The following PRKCH variants were observed in gnomAD, a reference collection of about 807,000 sequenced individuals.
PRKCH encodes protein kinase C eta.
Under a neutral mutation model 82.5 loss-of-function variants are expected in PRKCH, and 28 were observed. The observed-to-expected ratio is 0.34, with a 90% CI of 0.25 to 0.47. The LOEUF is 0.47. PRKCH is among the 20% of genes least tolerant of loss of function. The pLI is 1.00. For synonymous variants in PRKCH, 322 were observed against 327.4 expected (o/e 0.98, Z 0.18); for missense variants, 705 against 881.8 (o/e 0.80, Z 2.54).
chr14:61,469,552 G>A (rs1885406031), intron 9 of PRKCH, among the ~76,000 whole-genome samples: 1 of 152,222 alleles, frequency 6.6e-6, no homozygotes, highest in Non-Finnish European at 1.5e-5. Flanking sequence ...GGTAGGACCT[G>A]AAGCGGCTGC....
At chr14:61,449,285 C>T (rs754525516) in intron 5 of PRKCH, 33 bp downstream of exon 5, 56 of 1,551,822 alleles carry the variant, frequency 3.6e-5, no homozygotes, top group Non-Finnish European at 4.4e-5. Context: ...ATTAAATGTG[C>T]GTGTGTATTG....
chr14:61,461,583 G>A (rs996529907), intron 9 of PRKCH, among the ~76,000 whole-genome samples: 13 of 152,198 alleles, frequency 8.5e-5, no homozygotes, highest in African/African-American at 1.2e-4. Context: ...GATATTTAGT[G>A]AGCTTACCTG....
chr14:61,257,218 A>G (rs1356998944), intron 1 of PRKCH, among the ~76,000 whole-genome samples: 1 of 152,140 alleles, frequency 6.6e-6, no homozygotes, highest in Non-Finnish European at 1.5e-5. Context: ...TAATATTACC[A>G]CTATTCATGT....
chr14:61,349,201 C>T (rs113467924), intron 1 of PRKCH, among the ~76,000 whole-genome samples: 3 of 152,176 alleles, frequency 2.0e-5, no homozygotes, highest in Non-Finnish European at 4.4e-5. Flanking sequence ...GCAAGTAGAT[C>T]ATTGTTTCCA....
At chr14:61,398,075 A>G (rs1319696700) in intron 2 of PRKCH, among the ~76,000 whole-genome samples, 2 of 152,248 alleles carry the variant, frequency 1.3e-5, no homozygotes, top group Admixed American at 6.5e-5. Flanking sequence ...CTGAGGCAGA[A>G]GTAGAAGTGA....
chr14:61,220,147 G>T (rs1052019774), intron 1 of PRKCH, among the ~76,000 whole-genome samples: 2 of 152,156 alleles, frequency 1.3e-5, no homozygotes, highest in African/African-American at 2.4e-5. Context: ...AACCAAATCT[G>T]CTCCTACAAC....
chr14:61,447,346 A>G lies in PRKCH; in HGVS notation c.613+1620A>G, dbSNP rs78789584. ...AGGAAAAATGAACAAATCCACTTCT[A>G]TAGTTGGAGACTTCAATATCTCAGT... On this transcript the variant is annotated intron_variant, in intron 4 of 13. Transcript: ENST00000332981. Among the ~76,000 whole-genome samples the G allele has an allele frequency of 0.019, 2,882 of 152,362 alleles. 196 individuals carry two copies. The East Asian group carries it at 0.26, about 14-fold the overall frequency.
intron 10 of PRKCH, among the ~76,000 whole-genome samples, chr14:61,491,019 C>G (rs199831261): frequency 6.6e-6 from 1 of 152,106 alleles, no homozygotes; most frequent in African/African-American, 2.4e-5. Flanking sequence ...GCAGTTCTTC[C>G]CCTCTGGAAA....
At chr14:61,371,024 C>T (rs1245416817) in intron 1 of PRKCH, among the ~76,000 whole-genome samples, 3 of 152,066 alleles carry the variant, frequency 2.0e-5, no homozygotes, top group Non-Finnish European at 1.5e-5. Flanking sequence ...CTGCCTCTGG[C>T]TCTCTTTTCA....
At position 61,210,794 on chromosome 14, in the gene PRKCH, G is replaced by C. The variant is rs867355068; in HGVS notation, c.-19+23126G>C. On this transcript the variant is annotated intron_variant, in intron 1 of 3. Coordinates refer to the PRKCH transcript ENST00000555185. ...TCTCTCTCTCTCTCTCTCTCTCTGT[G>C]TGTGTGTGTGTGTGTGTGTGCGTGC... Among the ~76,000 whole-genome samples the C allele has an allele frequency of 2.6e-3, 357 of 137,138 alleles. 3 individuals are homozygous for C. Among genetic ancestry groups the C allele is most frequent in the South Asian group, 0.017 (73 of 4,378 alleles). The allele number at this position is 137,138 out of a possible 152,430, so 90.0% of individuals were successfully genotyped here.
chr14:61,217,496 C>T (rs1354008839), intron 1 of PRKCH, among the ~76,000 whole-genome samples: 1 of 151,952 alleles, frequency 6.6e-6, no homozygotes, highest in Admixed American at 6.6e-5. Flanking sequence ...GCTAGTTCTT[C>T]TTCTGAGTCT....
chr14:61,382,291 G>A (rs2046522445), intron 1 of PRKCH, among the ~76,000 whole-genome samples: 1 of 152,080 alleles, frequency 6.6e-6, no homozygotes, highest in Admixed American at 6.6e-5. Flanking sequence ...TTAGCTGGGC[G>A]TGGTGGTGTA....
At chr14:61,239,052 C>T (rs912401908) in intron 1 of PRKCH, among the ~76,000 whole-genome samples, 12 of 152,166 alleles carry the variant, frequency 7.9e-5, no homozygotes, top group Admixed American at 2.0e-4. Flanking sequence ...CAGGCAATCT[C>T]CCTCCTCAGA....
intron 1 of PRKCH, among the ~76,000 whole-genome samples, chr14:61,357,569 A>T (rs2046167448): frequency 6.6e-6 from 1 of 152,114 alleles, no homozygotes; most frequent in Admixed American, 6.5e-5. Flanking sequence ...TGGCTGTCAA[A>T]TGTTCTCTGC....
chr14:61,207,803 T>G (rs2044539207), intron 1 of PRKCH, among the ~76,000 whole-genome samples: 1 of 152,216 alleles, frequency 6.6e-6, no homozygotes, highest in Non-Finnish European at 1.5e-5. Context: ...GTCACATAGC[T>G]GGTTTAGTGG....
At chr14:61,274,808 T>G (rs1178489429) in intron 1 of PRKCH, among the ~76,000 whole-genome samples, 4 of 151,956 alleles carry the variant, frequency 2.6e-5, no homozygotes, top group Non-Finnish European at 1.5e-5. Context: ...GAAATGTGAG[T>G]TTGGAGAGAA....
At chr14:61,388,965 T>A (rs1460929738) in intron 1 of PRKCH, among the ~76,000 whole-genome samples, 1 of 152,208 alleles carries the variant, frequency 6.6e-6, no homozygotes, top group Admixed American at 6.5e-5. Flanking sequence ...ATCTTTTATT[T>A]TGAAAAAGTA....
chr14:61,345,911 G>A (rs760264143), intron 1 of PRKCH, among the ~76,000 whole-genome samples: 1 of 151,788 alleles, frequency 6.6e-6, no homozygotes, highest in African/African-American at 2.4e-5. Flanking sequence ...TAGAGTTTGA[G>A]CACCTGCATG....
chr14:61,549,473 A>T (rs749357158), intron 13 of PRKCH, among the ~76,000 whole-genome samples: 1 of 152,248 alleles, frequency 6.6e-6, no homozygotes, highest in African/African-American at 2.4e-5. Context: ...TCATGGGATT[A>T]GTGAATTGGT....
Sources: allele counts gnomAD v4.1 joint callset (sites outside exome capture counted in the v4.1 genomes callset), GRCh38; gene constraint gnomAD v4.1.1; transcripts MANE v1.5; gene names NCBI Gene and HGNC (gene_info 2026-07-23, HGNC 2026-07-21).